Variants in PLEK observed in about 807,000 individuals in gnomAD.
PLEK encodes the protein pleckstrin.
In PLEK, 25 loss-of-function variants were observed where a neutral mutation model predicts 43.9. The ratio of observed to expected loss-of-function variants is 0.57; its 90% confidence interval spans 0.41 to 0.79. The LOEUF (loss-of-function observed/expected upper bound fraction) is 0.79. Ranked by LOEUF, PLEK falls within the 30% of genes least tolerant of loss-of-function variation. The pLI is 0.00. For synonymous variants in PLEK, 152 were observed against 144.4 expected (o/e 1.05, Z -0.38); for missense variants, 396 against 413.3 (o/e 0.96, Z 0.36).
chr2:68,386,390 G>A, intron 4 of PLEK, 112 bp from the exon 5 acceptor site: 1 of 677,892 alleles, frequency 1.5e-6, no homozygotes, highest in Non-Finnish European at 2.5e-6. Flanking sequence ...AAATAACAGG[G>A]GAGACGAGAC....
rs759812499 is a variant in PLEK at position 68,386,568 on chromosome 2, T to C, written c.539T>C (p.Ile180Thr). 1.9e-6 allele frequency: 3 copies of C among 1,613,446 alleles called. No homozygotes were observed. The African/African-American group carries it at 4.0e-5, about 22-fold the overall frequency. ...SVRNRQEGLM[I>T]ASSLLNEGYL... ...AGGAATCGCCAGGAAGGCCTCATGATTGCTTCATCGCTGCTCAATGAGGGG... is the reference window on the plus strand; with the variant it reads ...AGGAATCGCCAGGAAGGCCTCATGACTGCTTCATCGCTGCTCAATGAGGGG... Residue 180 changes from isoleucine to threonine, a missense_variant, in exon 5 of 9, where the codon ATT becomes ACT. Physicochemically the swap from Ile to Thr is moderately conservative, Grantham distance 89 (BLOSUM62 -1). Coordinates refer to ENST00000234313, the MANE Select transcript of PLEK (RefSeq NM_002664.3).
chr2:68,382,689 C>T (rs1205798391), intron 4 of PLEK, 56 bp downstream of exon 4: 1 of 976,110 alleles, frequency 1.0e-6, no homozygotes, highest in Non-Finnish European at 1.6e-6. Flanking sequence ...ATGGAGTCCT[C>T]CTTCGGCCTC....
Position 68,396,150 on chromosome 2 carries a change from A to T in PLEK, c.*334A>T. ...GATTCCTGAGGTCCCCCTAGCTTAA[A>T]AAAAAAAAAAATCTGCCCCATGATT... is the stretch of plus-strand genomic sequence containing the variant. On this transcript the variant is annotated 3_prime_UTR_variant, in exon 9 of 9. Transcript: ENST00000234313. The T allele has an allele frequency of 1.5e-5, 1 of 67,166 alleles. No individual in the cohort carries two copies. Among genetic ancestry groups the T allele is most frequent in the East Asian group, 1.9e-4 (1 of 5,292 alleles). 4.2% of individuals were successfully genotyped at this position (67,166 alleles called of 1,614,324 possible).
At chr2:68,370,445 C>CAG (rs1673377557) in intron 1 of PLEK, among the ~76,000 whole-genome samples, 1 of 152,116 alleles carries the variant, frequency 6.6e-6, no homozygotes, top group African/African-American at 2.4e-5. Context: ...TATTCGAGAG[C>CAG]AGAGATAGGG....
rs374286351 is a variant in PLEK at position 68,380,703 on chromosome 2, G to C, written c.199-20G>C. 1.4e-5 allele frequency: 22 copies of C among 1,609,832 alleles called. No homozygotes were observed. The African/African-American group carries it at 2.9e-4, about 22-fold the overall frequency. ...CCCTTGAAATAAGCCATTTCTAATGGGATGTGTTTTGATTTTCAGTTTGTG... is the reference window on the plus strand; with the variant it reads ...CCCTTGAAATAAGCCATTTCTAATGCGATGTGTTTTGATTTTCAGTTTGTG... On this transcript the variant is annotated intron_variant, in intron 2 of 8. Transcript: ENST00000234313.
chr2:68,394,265 CAATT>C, intron 8 of PLEK, 89 bp downstream of exon 8: 1 of 822,978 alleles, frequency 1.2e-6, no homozygotes, highest in East Asian at 2.5e-5. Context: ...ATCAATCAAT[CAATT>C]AATCAGGATA....
Position 68,394,174 on chromosome 2 carries a change from A to C in PLEK, c.914A>C (p.Asn305Thr), listed in dbSNP as rs1231173509. 6.3e-7 allele frequency: 1 copy of C among 1,588,246 alleles called. No homozygotes were observed. The stretch of plus-strand genomic sequence containing the variant: ...GTGACTTCAGTGGAGAGCAACTCAA[A>C]TGGTAAGATGAATTTCTGTGTGAGA... ...CVVTSVESNS[N>T]GRKSEEENLF... Residue 305 changes from asparagine to threonine, a missense_variant and splice_region_variant, in exon 8 of 9, where the codon AAT (asparagine) becomes ACT (threonine). Asn to Thr is a moderately conservative substitution (Grantham distance 65). Transcript: ENST00000234313.
In PLEK at chr2:68,380,822, A is replaced by G; in HGVS notation, c.298A>G (p.Ile100Val). ...DAWVRDIKKA[I>V]KCIEGGQKFA... ...CTGGGTTCGGGATATCAAGAAGGCC[A>G]TTAAATGCATTGAAGGAGGCCAGAA... The change falls in exon 3 of 9, where the codon ATT becomes GTT. Residue 100 changes from isoleucine (I) to valine (V), a missense_variant. Coordinates refer to ENST00000234313, the MANE Select transcript of PLEK (RefSeq NM_002664.3). 1.2e-6 allele frequency: 2 copies of G among 1,614,054 alleles called. No individual in the cohort carries two copies. The highest frequency in any genetic ancestry group is 1.7e-6 in the Non-Finnish European group (2 of 1,179,912).
At position 68,395,838 on chromosome 2, in the gene PLEK, C is replaced by T; in HGVS notation, c.*22C>T. On this transcript the variant is annotated 3_prime_UTR_variant, in exon 9 of 9. Coordinates refer to ENST00000234313, the MANE Select transcript of PLEK (RefSeq NM_002664.3). ...GTAAAGAGACTCCTGCATTCCTCCT[C>T]CCCTCCTGAGGGAAGCCCATGGACA... 6.2e-7 allele frequency: 1 copy of T among 1,607,480 alleles called. No individual in the cohort carries two copies. The highest frequency in any genetic ancestry group is 8.5e-7 in the Non-Finnish European group (1 of 1,174,276).
At chr2:68,389,224 C>T (rs951670751) in intron 6 of PLEK, among the ~76,000 whole-genome samples, 4 of 152,144 alleles carry the variant, frequency 2.6e-5, no homozygotes, top group East Asian at 1.9e-4. Flanking sequence ...TGGAGGAAGT[C>T]GCAGGAAGAC....
chr2:68,388,753 A>G (rs967752049), intron 6 of PLEK, among the ~76,000 whole-genome samples: 8 of 152,166 alleles, frequency 5.3e-5, no homozygotes, highest in African/African-American at 1.9e-4. Flanking sequence ...AGGTGTTTCA[A>G]GAAAAATATG....
chr2:68,371,796 A>AG (rs1553356861), intron 1 of PLEK, among the ~76,000 whole-genome samples: 1 of 130,358 alleles, frequency 7.7e-6, no homozygotes, highest in Admixed American at 8.8e-5. Context: ...CAACGAGTTT[A>AG]GTTTTTTTTT....
At position 68,397,151 on chromosome 2, in the gene PLEK, T is replaced by C. The variant is rs918204750; in HGVS notation, c.*1335T>C. 4.6e-5 allele frequency: 7 copies of C among 152,194 alleles called. No homozygotes were observed. Among genetic ancestry groups the C allele is most frequent in the African/African-American group, 1.7e-4 (7 of 41,436 alleles). 9.4% of individuals were successfully genotyped at this position (152,194 alleles called of 1,614,324 possible). A position where few individuals can be genotyped will look rare whatever the true frequency, so the allele number is the denominator to read the frequency against. ...AAGCAGATATGTGTGTGAAAGTATA[T>C]TTTTCAATTCCAGATTTTTAATTTT... On this transcript the variant is annotated 3_prime_UTR_variant, in exon 9 of 9. Coordinates refer to ENST00000234313, the MANE Select transcript of PLEK (RefSeq NM_002664.3).
intron 6 of PLEK, among the ~76,000 whole-genome samples, chr2:68,391,829 A>C (rs1261907212): frequency 1.3e-5 from 2 of 152,234 alleles, no homozygotes. Flanking sequence ...CTTTTAATAT[A>C]ATACTATTTT....
intron 1 of PLEK, among the ~76,000 whole-genome samples, chr2:68,376,002 A>G (rs1193126158): frequency 6.6e-6 from 1 of 152,194 alleles, no homozygotes; most frequent in African/African-American, 2.4e-5. Context: ...ATTTTCATAC[A>G]ACTTAGCCAT....
Position 68,379,517 on chromosome 2 carries a change from AG to A in PLEK, c.43-810del, listed in dbSNP as rs773038417. 1.5e-3 allele frequency among the ~76,000 whole-genome samples: 231 copies of A among 151,842 alleles called. 3 individuals are homozygous for A. In the East Asian group the frequency reaches 0.021, roughly 14 times the overall value. On this transcript the variant is annotated intron_variant, in intron 1 of 8. Transcript: ENST00000234313. ...AAAAATAAATAAAGACTTCAAAAAA[AG>A]AAAGAACTATACTCTAAGATCATGT... is the stretch of plus-strand genomic sequence containing the variant.
In PLEK at chr2:68,394,161, G is replaced by A. The variant is rs371769731; in HGVS notation, c.901G>A (p.Glu301Lys). ...HLRGCVVTSV[E>K]SNSNGRKSEE... ...GAGAGGCTGTGTGGTGACTTCAGTG[G>A]AGAGCAACTCAAATGGTAAGATGAA... Residue 301 changes from glutamate (E) to lysine (K), a missense_variant, in exon 8 of 9, where the codon GAG becomes AAG. Physicochemically the swap from Glu to Lys is moderately conservative, Grantham distance 56. Transcript: ENST00000234313. 1 of 1,602,998 alleles carries A rather than the reference G, an allele frequency of 6.2e-7. No homozygotes were observed. The highest frequency in any genetic ancestry group is 8.5e-7 in the Non-Finnish European group (1 of 1,170,092).
At chr2:68,392,233 C>G (rs1356980579) in intron 6 of PLEK, among the ~76,000 whole-genome samples, 3 of 151,356 alleles carry the variant, frequency 2.0e-5, no homozygotes, top group Non-Finnish European at 4.4e-5. Flanking sequence ...CTTCCTTCAT[C>G]ATGTCTGTTA....
At chr2:68,372,166 T>C (rs561991194) in intron 1 of PLEK, among the ~76,000 whole-genome samples, 16 of 140,206 alleles carry the variant, frequency 1.1e-4, no homozygotes, top group African/African-American at 4.2e-4. Context: ...TTTTTAAATA[T>C]AGAGAAGTTC....
Sources: gnomAD v4.1 joint callset for allele counts (sites outside exome capture counted in the v4.1 genomes callset) on GRCh38, gnomAD v4.1.1 for gene constraint, MANE v1.5 for transcripts, NCBI Gene and HGNC (gene_info 2026-07-23, HGNC 2026-07-21) for gene names.